Variants in CCNJ observed in about 807,000 individuals in gnomAD.
CCNJ encodes the protein cyclin J, also known as cyclin-J.
Under a neutral mutation model 41.4 loss-of-function variants are expected in CCNJ, and 12 were observed. That is an observed-to-expected ratio of 0.29 (90% CI 0.19 to 0.47). The LOEUF (loss-of-function observed/expected upper bound fraction) is 0.47, where lower values mean the gene tolerates loss of function less well. CCNJ is among the 20% of genes least tolerant of loss of function. The pLI is 1.00. For missense variants in CCNJ, 340 were observed against 464.6 expected (o/e 0.73, Z 2.47); for synonymous variants, 161 against 173.4 (o/e 0.93, Z 0.56).
rs567702643 is a variant in CCNJ, at chr10:96,058,312, T to C, written c.*71T>C. The C allele has an allele frequency of 1.8e-4, 238 of 1,349,130 alleles. No homozygotes were observed. The highest frequency in any genetic ancestry group is 1.7e-4 in the Non-Finnish European group (169 of 972,996). 83.6% of individuals were successfully genotyped at this position (1,349,130 alleles called of 1,614,324 possible). On this transcript the variant is annotated 3_prime_UTR_variant, in exon 6 of 6. Transcript: ENST00000465148. ...AGCTATGGGTAAGCGTTTTGTAAACTTCTGTTCAAAAGGAAAGGGATCTAA... is the reference window on the plus strand; with the variant it reads ...AGCTATGGGTAAGCGTTTTGTAAACCTCTGTTCAAAAGGAAAGGGATCTAA...
chr10:96,044,346 C>G lies in CCNJ; in HGVS notation c.-41-7C>G. 2 of 1,467,344 alleles carry G rather than the reference C, an allele frequency of 1.4e-6. No individual in the cohort carries two copies. Among genetic ancestry groups the G allele is most frequent in the Non-Finnish European group, 1.8e-6 (2 of 1,094,516 alleles). The allele number at this position is 1,467,344 out of a possible 1,614,324, so 90.9% of individuals were successfully genotyped here. On this transcript the variant is annotated splice_polypyrimidine_tract_variant and splice_region_variant and intron_variant, in intron 1 of 5. Transcript: ENST00000465148. The stretch of plus-strand genomic sequence containing the variant: ...GGCAGTGACCGCGCCTGGGGTGTGT[C>G]TTACAGACTCGAGTTGCCGCGTCGG...
chr10:96,049,481 CTTTTTTTTT>C (rs150769179), intron 2 of CCNJ, among the ~76,000 whole-genome samples: 5 of 108,312 alleles, frequency 4.6e-5, no homozygotes, highest in African/African-American at 1.8e-4. Context: ...TTTTCTTTTT[CTTTTTTTTT>C]TTTTTTTTTG....
intron 3 of CCNJ, among the ~76,000 whole-genome samples, chr10:96,052,532 G>A (rs946963156): frequency 1.3e-5 from 2 of 152,116 alleles, no homozygotes; most frequent in Admixed American, 1.3e-4. Context: ...TACCATCTTA[G>A]GTTGGTTGGA....
At chr10:96,057,534 T>C (rs1344716309) in intron 5 of CCNJ, among the ~76,000 whole-genome samples, 1 of 152,190 alleles carries the variant, frequency 6.6e-6, no homozygotes, top group Non-Finnish European at 1.5e-5. Context: ...CTAACATCAT[T>C]GAATTTTGGG....
intron 2 of CCNJ, among the ~76,000 whole-genome samples, chr10:96,046,821 C>G (rs538545740): frequency 6.6e-6 from 1 of 152,308 alleles, no homozygotes; most frequent in Non-Finnish European, 1.5e-5. Context: ...TGTCTCCTTT[C>G]TTCTCATTAT....
At chr10:96,053,191 T>TCTCTGATTGGAGAGGTATGTGTAG (rs2080578655) in intron 3 of CCNJ, among the ~76,000 whole-genome samples, 1 of 151,048 alleles carries the variant, frequency 6.6e-6, no homozygotes, top group Non-Finnish European at 1.5e-5. Flanking sequence ...CTACAGATTA[T>TCTCTGATTGGAGAGGTATGTGTAG]CTCTGATTGG....
At chr10:96,046,793 T>C (rs2080376628) in intron 2 of CCNJ, among the ~76,000 whole-genome samples, 1 of 152,216 alleles carries the variant, frequency 6.6e-6, no homozygotes, top group African/African-American at 2.4e-5. Context: ...ACAAAGCAGC[T>C]GTCACCTTAC....
In CCNJ at chr10:96,043,634, C is replaced by T. The variant is rs1331422294; in HGVS notation, c.-127C>T. ...CGCTGGGCTCTAGCTGAGGCCGGCG[C>T]TTAGCGGCCCACTGTCCGCAGCATG... On this transcript the variant is annotated 5_prime_UTR_variant, in exon 1 of 6. Coordinates refer to ENST00000465148, the MANE Select transcript of CCNJ (RefSeq NM_001134375.2). 2.5e-6 allele frequency: 1 copy of T among 394,894 alleles called. No homozygotes were observed. Among genetic ancestry groups the T allele is most frequent in the Non-Finnish European group, 4.5e-6 (1 of 223,620 alleles). The allele number at this position is 394,894 out of a possible 1,614,324, so 24.5% of individuals were successfully genotyped here.
At position 96,060,482 on chromosome 10, in the gene CCNJ, G is replaced by A. The variant is rs1056193815; in HGVS notation, c.*2241G>A. On this transcript the variant is annotated 3_prime_UTR_variant, in exon 6 of 6. Transcript: ENST00000465148. ...ATTACTATTGCTGCATACCCGGGGT[G>A]GGATGGGGTGGTTGGAGAACCAGAA... The A allele has an allele frequency of 5.2e-5, 8 of 152,590 alleles. No homozygotes were observed. The highest frequency in any genetic ancestry group is 1.4e-4 in the African/African-American group (6 of 41,424). 9.5% of individuals were successfully genotyped at this position (152,590 alleles called of 1,614,324 possible).
chr10:96,045,356 A>G (rs1449747276), intron 2 of CCNJ, among the ~76,000 whole-genome samples: 1 of 152,238 alleles, frequency 6.6e-6, no homozygotes. Context: ...AGAAAGAAGC[A>G]AAACAGCTGA....
chr10:96,045,880 C>G (rs898827026), intron 2 of CCNJ, among the ~76,000 whole-genome samples: 2 of 152,078 alleles, frequency 1.3e-5, no homozygotes, highest in African/African-American at 4.8e-5. Flanking sequence ...GGTGATCCAC[C>G]TGCCTCGGCC....
chr10:96,043,469 C>T (rs2080268903), upstream of CCNJ: 1 of 385,432 alleles, frequency 2.6e-6, no homozygotes, highest in South Asian at 1.4e-4. Flanking sequence ...CCGGCCCGGC[C>T]GCCAATTGGA....
At chr10:96,049,798 G>A (rs1460486264) in intron 2 of CCNJ, among the ~76,000 whole-genome samples, 1 of 152,122 alleles carries the variant, frequency 6.6e-6, no homozygotes, top group Non-Finnish European at 1.5e-5. Context: ...CTAGAGGAAA[G>A]GTACTGCTTT....
chr10:96,044,171 C>T (rs1019337125), intron 1 of CCNJ, among the ~76,000 whole-genome samples, 182 bp from the exon 2 acceptor site: 2 of 152,186 alleles, frequency 1.3e-5, no homozygotes, highest in African/African-American at 4.8e-5. Flanking sequence ...GCTCTTCCTG[C>T]GGGGGCAGAC....
In CCNJ at chr10:96,056,721, G is replaced by T. The variant is rs1487134477; in HGVS notation, c.301G>T (p.Asp101Tyr). ...LLASKFEEKEDSVPKLEQLNS... is the reference protein window; with the variant it reads ...LLASKFEEKEYSVPKLEQLNS... ...ATAAGGTAAATTTGAAGAAAAAGAA[G>T]ACAGTGTGCCTAAGCTGGAGCAGCT... is the stretch of plus-strand genomic sequence containing the variant. The change falls in exon 4 of 6, where the codon GAC becomes TAC. Residue 101 changes from aspartate (D) to tyrosine (Y), a missense_variant. Transcript: ENST00000465148. 1 of 1,594,812 alleles carries T rather than the reference G, an allele frequency of 6.3e-7. No individual in the cohort carries two copies. The highest frequency in any genetic ancestry group is 2.2e-5 in the East Asian group (1 of 44,796).
intron 3 of CCNJ, 131 bp from the exon 4 acceptor site, chr10:96,056,570 T>A: frequency 1.5e-6 from 1 of 657,212 alleles, no homozygotes; most frequent in Non-Finnish European, 2.6e-6. Context: ...CACAATTGTA[T>A]CTGTGTAAGG....
At chr10:96,049,481 C>CTTTTTT (rs150769179) in intron 2 of CCNJ, among the ~76,000 whole-genome samples, 445 of 108,114 alleles carry the variant, frequency 4.1e-3, no homozygotes, top group Non-Finnish European at 6.4e-3. Context: ...TTTTCTTTTT[C>CTTTTTT]TTTTTTTTTT....
At position 96,058,646 on chromosome 10, in the gene CCNJ, T is replaced by C. The variant is rs2080756287; in HGVS notation, c.*405T>C. On this transcript the variant is annotated 3_prime_UTR_variant, in exon 6 of 6. Coordinates refer to ENST00000465148, the MANE Select transcript of CCNJ (RefSeq NM_001134375.2). ...TCATCTATGGACTTGCCAAACAGTC[T>C]TTTATGAAGGAAAGTTACAGTATTA... 2.2e-5 allele frequency: 9 copies of C among 400,980 alleles called. No homozygotes were observed. Among genetic ancestry groups the C allele is most frequent in the Non-Finnish European group, 3.5e-5 (8 of 227,694 alleles). The allele number at this position is 400,980 out of a possible 1,614,324, so 24.8% of individuals were successfully genotyped here. A position where few individuals can be genotyped will look rare whatever the true frequency, so the allele number is the denominator to read the frequency against.
At chr10:96,046,305 G>T (rs1002590171) in intron 2 of CCNJ, among the ~76,000 whole-genome samples, 2 of 152,196 alleles carry the variant, frequency 1.3e-5, no homozygotes, top group African/African-American at 4.8e-5. Flanking sequence ...GCAAACCATG[G>T]TTCTTACTGG....
Sources: allele counts gnomAD v4.1 joint callset (sites outside exome capture counted in the v4.1 genomes callset), GRCh38; gene constraint gnomAD v4.1.1; transcripts MANE v1.5; gene names NCBI Gene and HGNC (gene_info 2026-07-23, HGNC 2026-07-21).